RPA1: variants seen among roughly 807,000 people sequenced by gnomAD.
RPA1 encodes the protein replication protein A1.
Under a neutral mutation model 83.0 loss-of-function variants are expected in RPA1, and 49 were observed. That is an observed-to-expected ratio of 0.59 (90% CI 0.47 to 0.75). The LOEUF (loss-of-function observed/expected upper bound fraction) is 0.75. Ranked by LOEUF, RPA1 falls within the 30% of genes least tolerant of loss-of-function variation. The pLI is 0.00. For synonymous variants in RPA1, 279 were observed against 281.8 expected (o/e 0.99, Z 0.10); for missense variants, 693 against 776.1 (o/e 0.89, Z 1.27).
intron 1 of RPA1, among the ~76,000 whole-genome samples, chr17:1,840,593 T>C (rs8076047): frequency 0.79 from 119,661 of 151,998 alleles, 49,169 homozygotes; most frequent in Non-Finnish European, 0.92. Context: ...TAATTTTTTA[T>C]AGAGACAGGT....
chr17:1,852,250 A>G (rs1314946039), intron 4 of RPA1, among the ~76,000 whole-genome samples: 2 of 152,200 alleles, frequency 1.3e-5, no homozygotes, highest in South Asian at 2.1e-4. Flanking sequence ...AGCGAGAGAG[A>G]ATAATAAAAT....
Position 1,884,411 on chromosome 17 carries a change from G to T in RPA1, c.1374+467G>T, listed in dbSNP as rs1394447322. On this transcript the variant is annotated intron_variant, in intron 13 of 16. Coordinates refer to ENST00000254719, the MANE Select transcript of RPA1 (RefSeq NM_002945.5). This position sits in a 1 kb window ranked among gnomAD's most constrained non-coding sequence, Gnocchi z 4.1. ...ATAGTGTATTAACCTCATAGGCTGAGAGCTGCCGGCATTCCCGGACAAGGA... is the reference window on the plus strand; with the variant it reads ...ATAGTGTATTAACCTCATAGGCTGATAGCTGCCGGCATTCCCGGACAAGGA... Among the ~76,000 whole-genome samples the T allele has an allele frequency of 6.6e-6, 1 of 152,196 alleles. No individual in the cohort carries two copies. Among genetic ancestry groups the T allele is most frequent in the Non-Finnish European group, 1.5e-5 (1 of 68,040 alleles).
intron 5 of RPA1, chr17:1,854,311 TGAAAC>T (rs943369246): frequency 6.6e-5 from 10 of 151,786 alleles, no homozygotes; most frequent in African/African-American, 2.4e-4. Context: ...AGTTAGAAAA[TGAAAC>T]CATCAAAAAT....
intron 5 of RPA1, among the ~76,000 whole-genome samples, 159 bp downstream of exon 5, chr17:1,853,348 A>G (rs1051817200): frequency 6.6e-6 from 1 of 152,178 alleles, no homozygotes; most frequent in African/African-American, 2.4e-5. Context: ...TTTCAGTTCT[A>G]AAGAAATGAT....
At chr17:1,846,382 A>G (rs1186415967) in intron 4 of RPA1, among the ~76,000 whole-genome samples, 1 of 128,064 alleles carries the variant, frequency 7.8e-6, no homozygotes, top group Non-Finnish European at 1.6e-5. Flanking sequence ...CAGTGGCACC[A>G]TCAGGGCTCA....
rs934709052 is a variant in RPA1 at position 1,898,175 on chromosome 17, G to A, written c.*1000G>A. 2.0e-5 allele frequency: 3 copies of A among 152,148 alleles called. No homozygotes were observed. Among genetic ancestry groups the A allele is most frequent in the East Asian group, 1.9e-4 (1 of 5,202 alleles). 9.4% of individuals were successfully genotyped at this position (152,148 alleles called of 1,614,324 possible). A position where few individuals can be genotyped will look rare whatever the true frequency, so the allele number is the denominator to read the frequency against. On this transcript the variant is annotated 3_prime_UTR_variant, in exon 17 of 17. Transcript: ENST00000254719. ...GGGGATGTTAACTCATTATAAACCC[G>A]AAGATTAGTCCAAGGCATGGAGATC...
chr17:1,857,312 GA>G (rs1402598754), intron 5 of RPA1, among the ~76,000 whole-genome samples: 3 of 141,812 alleles, frequency 2.1e-5, no homozygotes, highest in South Asian at 2.2e-4. Context: ...TTCAGTTTCA[GA>G]AAAAAAGGGT....
At chr17:1,870,160 A>G (rs1913324949) in intron 5 of RPA1, among the ~76,000 whole-genome samples, 1 of 152,154 alleles carries the variant, frequency 6.6e-6, no homozygotes, top group Admixed American at 6.5e-5. Flanking sequence ...AATAGTGTCT[A>G]CATCCTAGGG....
intron 12 of RPA1, among the ~76,000 whole-genome samples, chr17:1,883,009 A>G (rs1487125767): frequency 6.6e-6 from 1 of 152,094 alleles, no homozygotes; most frequent in South Asian, 2.1e-4. Flanking sequence ...ATTCAAAGAA[A>G]GGTCATTCCG....
rs1178847448 is a variant in RPA1, at chr17:1,844,627, G to T, written c.213G>T (p.Leu71Phe). ...QLNPLVEEEQ[L>F]SSNCVCQIHR... ...ACCCTCTCGTGGAGGAAGAACAATTGTCCAGCAACTGTGTATGCCAGATTC... is the reference window on the plus strand; with the variant it reads ...ACCCTCTCGTGGAGGAAGAACAATTTTCCAGCAACTGTGTATGCCAGATTC... The change falls in exon 4 of 17, where the codon TTG becomes TTT. Residue 71 changes from leucine (L) to phenylalanine (F), a missense_variant. Transcript: ENST00000254719. The T allele has an allele frequency of 6.2e-7, 1 of 1,613,710 alleles. No homozygotes were observed. The highest frequency in any genetic ancestry group is 1.1e-5 in the South Asian group (1 of 90,960).
intron 16 of RPA1, among the ~76,000 whole-genome samples, chr17:1,895,663 T>TATGTATG (rs1567831578): frequency 3.4e-4 from 6 of 17,604 alleles, no homozygotes; most frequent in African/African-American, 1.1e-3. Context: ...CATATAGTAT[T>TATGTATG]TATTTATTTA....
chr17:1,852,962 TGAA>T (rs1912554734), intron 4 of RPA1, 136 bp from the exon 5 acceptor site: 1 of 664,954 alleles, frequency 1.5e-6, no homozygotes, highest in Non-Finnish European at 2.6e-6. Context: ...CGGCGAAAGA[TGAA>T]GAGAAATATT....
intron 1 of RPA1, among the ~76,000 whole-genome samples, chr17:1,835,191 C>T (rs1184337502): frequency 6.6e-6 from 1 of 152,086 alleles, no homozygotes; most frequent in African/African-American, 2.4e-5. Flanking sequence ...CTTTGTCTCT[C>T]AGGCTGGAGT....
chr17:1,891,576 T>C (rs1914204894), intron 14 of RPA1: 1 of 180,260 alleles, frequency 5.5e-6, no homozygotes, highest in East Asian at 1.1e-4. Flanking sequence ...CCCGCCACCA[T>C]GCCTGGCTAA....
intron 5 of RPA1, among the ~76,000 whole-genome samples, chr17:1,856,370 G>A (rs1211980643): frequency 1.3e-5 from 2 of 151,976 alleles, no homozygotes; most frequent in Non-Finnish European, 2.9e-5. Flanking sequence ...AAGCTGAGGC[G>A]GGCGGATCAC....
intron 5 of RPA1, among the ~76,000 whole-genome samples, chr17:1,859,029 G>A (rs4790834): frequency 0.85 from 128,662 of 151,612 alleles, 55,085 homozygotes; most frequent in Non-Finnish European, 0.92. Flanking sequence ...CAGCCTCCCA[G>A]GTAGCTAGGA....
chr17:1,854,213 T>A (rs1332255812), intron 5 of RPA1: 1 of 152,046 alleles, frequency 6.6e-6, no homozygotes, highest in Non-Finnish European at 1.5e-5. Flanking sequence ...CTGGCCCCAT[T>A]AAAGGAAAGG....
chr17:1,892,775 A>G (rs2151292556), intron 15 of RPA1, among the ~76,000 whole-genome samples: 1 of 152,344 alleles, frequency 6.6e-6, no homozygotes, highest in South Asian at 2.1e-4. Context: ...TTTCTTCCGT[A>G]AGGTAACTTT....
At chr17:1,869,566 C>G (rs1447576372) in intron 5 of RPA1, among the ~76,000 whole-genome samples, 1 of 152,020 alleles carries the variant, frequency 6.6e-6, no homozygotes, top group East Asian at 1.9e-4. Context: ...CTATTTTCCC[C>G]CTAGGTCAAA....
Sources: allele counts gnomAD v4.1 joint callset (sites outside exome capture counted in the v4.1 genomes callset), GRCh38; gene constraint gnomAD v4.1.1; non-coding constraint Gnocchi (gnomAD v3.1); transcripts MANE v1.5; gene names NCBI Gene and HGNC (gene_info 2026-07-23, HGNC 2026-07-21).